Variants in NSD2 observed in about 807,000 individuals in gnomAD.
NSD2 encodes the protein histone-lysine N-methyltransferase NSD2.
Under a neutral mutation model 139.0 loss-of-function variants are expected in NSD2, and 12 were observed. That is an observed-to-expected ratio of 0.09 (90% confidence interval 0.06 to 0.14). The LOEUF (loss-of-function observed/expected upper bound fraction) is 0.14, where lower values mean the gene tolerates loss of function less well. NSD2 is among the 10% of genes least tolerant of loss of function. NSD2 has a pLI of 1.00. For missense variants in NSD2, 1,155 were observed against 1,745.0 expected (o/e 0.66, Z 6.02); for synonymous variants, 669 against 648.7 (o/e 1.03, Z -0.48).
chr4:1,907,361 T>C (rs1426537459), intron 3 of NSD2, among the ~76,000 whole-genome samples: 3 of 152,148 alleles, frequency 2.0e-5, no homozygotes, highest in Non-Finnish European at 4.4e-5. Flanking sequence ...AGCCACCTAG[T>C]GTTTGGTTAA....
intron 1 of NSD2, among the ~76,000 whole-genome samples, chr4:1,876,258 G>A (rs1297644300): frequency 6.6e-6 from 1 of 151,706 alleles, no homozygotes; most frequent in Non-Finnish European, 1.5e-5. Context: ...TTTTGTTTTA[G>A]TATCTGCTTT....
rs1386125956 is a variant in NSD2, at chr4:1,974,459, C to CTGCTTCA, written c.3373-403_3373-397dup. Among the ~76,000 whole-genome samples, 1 of 152,220 alleles carries CTGCTTCA rather than the reference C, an allele frequency of 6.6e-6. No homozygotes were observed. ...AAATTCCTGACCTCAGGTGATCTGC[C>CTGCTTCA]TGCTTCAGCCTCCCAAAGTGCTGGG... is the stretch of plus-strand genomic sequence containing the variant. On this transcript the variant is annotated intron_variant, in intron 18 of 21. Transcript: ENST00000508803. This position sits in a 1 kb window ranked among gnomAD's most constrained non-coding sequence, Gnocchi z 4.0.
intron 9 of NSD2, among the ~76,000 whole-genome samples, chr4:1,950,571 C>T (rs771246546): frequency 1.3e-5 from 2 of 152,196 alleles, no homozygotes; most frequent in South Asian, 2.1e-4. Flanking sequence ...TCTGAAAGGA[C>T]GCATGGTCTC....
rs1023395555 is a variant in NSD2 at position 1,871,466 on chromosome 4, C to T, written c.-106C>T. ...CCGCCGCCCCCTCCCCGCCTGGGCC[C>T]TACCGCCGCACGGCCCCGGCCCCCT... On this transcript the variant is annotated 5_prime_UTR_variant, in exon 1 of 22. Coordinates refer to ENST00000508803, the MANE Select transcript of NSD2 (RefSeq NM_001042424.3). 1 of 149,196 alleles carries T rather than the reference C, an allele frequency of 6.7e-6. No homozygotes were observed. Among genetic ancestry groups the T allele is most frequent in the South Asian group, 1.8e-4 (1 of 5,610 alleles). 9.2% of individuals were successfully genotyped at this position (149,196 alleles called of 1,614,324 possible).
At chr4:1,928,220 GAATA>G (rs1721189463) in intron 5 of NSD2, among the ~76,000 whole-genome samples, 1 of 152,050 alleles carries the variant, frequency 6.6e-6, no homozygotes, top group Non-Finnish European at 1.5e-5. Flanking sequence ...GATATGTTAA[GAATA>G]AAGAAGTGGC....
At chr4:1,952,604 T>G in intron 11 of NSD2, 1 of 658,044 alleles carries the variant, frequency 1.5e-6, no homozygotes, top group Admixed American at 4.8e-5. Flanking sequence ...GTAACCTGGT[T>G]GGTCACCGAA....
At chr4:1,954,133 T>C (rs1724569877) in intron 12 of NSD2, among the ~76,000 whole-genome samples, 2 of 152,040 alleles carry the variant, frequency 1.3e-5, no homozygotes, top group South Asian at 4.1e-4. Context: ...TACAGGCACG[T>C]GCCACCATAC....
rs1382262919 is a variant in NSD2 at position 1,941,379 on chromosome 4, T to C, written c.1881+1601T>C. ...GAGCCTGCTGAGATCTTCTCTGTTA[T>C]TCCTGATCCTAAGTCATGTATATCG... is the stretch of plus-strand genomic sequence containing the variant. On this transcript the variant is annotated intron_variant, in intron 9 of 21. Coordinates refer to ENST00000508803, the MANE Select transcript of NSD2 (RefSeq NM_001042424.3). 3 of 1,050,778 alleles carry C rather than the reference T, an allele frequency of 2.9e-6. No homozygotes were observed. The African/African-American group carries it at 5.0e-5, about 17-fold the overall frequency. The allele number at this position is 1,050,778 out of a possible 1,614,324, so 65.1% of individuals were successfully genotyped here.
intron 6 of NSD2, among the ~76,000 whole-genome samples, chr4:1,931,298 C>T (rs1274041035): frequency 6.6e-6 from 1 of 152,092 alleles, no homozygotes; most frequent in Non-Finnish European, 1.5e-5. Context: ...ACTGGACTGA[C>T]CTTGAATTCA....
Position 1,956,222 on chromosome 4 carries a change from ACT to A in NSD2, c.2881+38_2881+39del. The A allele has an allele frequency of 6.5e-7, 1 of 1,527,482 alleles. No individual in the cohort carries two copies. The highest frequency in any genetic ancestry group is 1.3e-5 in the South Asian group (1 of 79,838). 94.6% of individuals were successfully genotyped at this position (1,527,482 alleles called of 1,614,324 possible). On this transcript the variant is annotated intron_variant, in intron 15 of 21. Transcript: ENST00000508803. This position sits in a 1 kb window ranked among gnomAD's most constrained non-coding sequence, Gnocchi z 5.3. ...ATATTCAGATAGAGAGTGAGACAGC[ACT>A]CTCGTGCATTTTCTTACCCCTAATT... is the stretch of plus-strand genomic sequence containing the variant.
At chr4:1,904,149 T>C (rs986303258) in intron 2 of NSD2, 67 bp from the exon 3 acceptor site, 2 of 1,535,040 alleles carry the variant, frequency 1.3e-6, no homozygotes, top group Admixed American at 3.7e-5. Flanking sequence ...TGGTGAATCC[T>C]TGGTCTTCTG....
chr4:1,898,837 C>G (rs1050443171), intron 1 of NSD2, among the ~76,000 whole-genome samples: 3 of 152,002 alleles, frequency 2.0e-5, no homozygotes, highest in Non-Finnish European at 4.4e-5. Flanking sequence ...GATTTCCCCC[C>G]TCATTTTATA....
intron 1 of NSD2, among the ~76,000 whole-genome samples, chr4:1,882,533 G>A (rs1156467350): frequency 5.3e-5 from 8 of 152,210 alleles, no homozygotes; most frequent in East Asian, 1.9e-4. Flanking sequence ...GCGTGGTGGC[G>A]GGCGCCTGTA....
At chr4:1,959,299 G>A (rs546911329) in intron 16 of NSD2, among the ~76,000 whole-genome samples, 172 bp from the exon 17 acceptor site, 1 of 152,280 alleles carries the variant, frequency 6.6e-6, no homozygotes, top group Admixed American at 6.5e-5. Flanking sequence ...AGGCAGAGGA[G>A]AGCTCCTCTG....
At chr4:1,959,352 A>G in intron 16 of NSD2, 119 bp from the exon 17 acceptor site, 1 of 1,158,686 alleles carries the variant, frequency 8.6e-7, no homozygotes, top group Admixed American at 2.1e-5. Context: ...CCTAGCCAGG[A>G]CTCTGAAGCT....
chr4:1,896,195 C>G (rs757584356), intron 1 of NSD2, among the ~76,000 whole-genome samples: 1 of 152,226 alleles, frequency 6.6e-6, no homozygotes, highest in Admixed American at 6.5e-5. Flanking sequence ...TCCTCTCCTT[C>G]GGGCTCTGTG....
intron 18 of NSD2, among the ~76,000 whole-genome samples, chr4:1,970,841 A>T (rs1726393077): frequency 6.6e-6 from 1 of 152,178 alleles, no homozygotes; most frequent in African/African-American, 2.4e-5. Context: ...ACAGGACAGG[A>T]CGGAGTCCCC....
chr4:1,938,082 G>A (rs1303287046), intron 7 of NSD2, among the ~76,000 whole-genome samples: 1 of 152,150 alleles, frequency 6.6e-6, no homozygotes, highest in Non-Finnish European at 1.5e-5. Flanking sequence ...GGGTTCAGTG[G>A]AGAGTCTAGG....
rs370953747 is a variant in NSD2, at chr4:1,952,817, TC to T, written c.2138-505del. 105 of 1,198,816 alleles carry T rather than the reference TC, an allele frequency of 8.8e-5. 1 individual carries two copies. In the African/African-American group the frequency reaches 1.0e-3, roughly 12 times the overall value. 74.3% of individuals were successfully genotyped at this position (1,198,816 alleles called of 1,614,324 possible). On this transcript the variant is annotated intron_variant, in intron 11 of 21. Coordinates refer to ENST00000508803, the MANE Select transcript of NSD2 (RefSeq NM_001042424.3). ...AGGACACCTGCACAGCCGTGGCCCT[TC>T]CTGCCTACTCACCGGGCCCAAGGAG... is the stretch of plus-strand genomic sequence containing the variant.
Sources: allele counts gnomAD v4.1 joint callset (sites outside exome capture counted in the v4.1 genomes callset), GRCh38; gene constraint gnomAD v4.1.1; non-coding constraint Gnocchi (gnomAD v3.1); transcripts MANE v1.5; gene names NCBI Gene and HGNC (gene_info 2026-07-23, HGNC 2026-07-21).